AGTPBP1: variants seen among roughly 807,000 people sequenced by gnomAD.
AGTPBP1 encodes cytosolic carboxypeptidase 1.
AGTPBP1 carries 70 observed loss-of-function variants against 143.9 expected under a neutral mutation model. That is an observed-to-expected ratio of 0.49 (90% CI 0.40 to 0.59). The LOEUF is 0.59. Ranked by LOEUF, AGTPBP1 falls within the 20% of genes least tolerant of loss-of-function variation. The pLI is 0.00. For missense variants in AGTPBP1, 1,229 were observed against 1,464.5 expected (o/e 0.84, Z 2.62); for synonymous variants, 463 against 500.2 (o/e 0.93, Z 0.99).
At chr9:85,623,247 T>C (rs1319175063) in intron 14 of AGTPBP1, among the ~76,000 whole-genome samples, 1 of 151,628 alleles carries the variant, frequency 6.6e-6, no homozygotes, top group African/African-American at 2.4e-5. Flanking sequence ...GTTTGGGAGA[T>C]GCGGAATCTC....
At chr9:85,778,507 G>A in the AGTPBP1 span, among the ~76,000 whole-genome samples, 3 of 152,184 alleles carry the variant, frequency 2.0e-5, no homozygotes, top group South Asian at 4.1e-4. Context: ...CCAAGTGGCA[G>A]AGCAGCTTGC....
chr9:85,728,115 T>A (rs2134702919), intron 1 of AGTPBP1, among the ~76,000 whole-genome samples: 1 of 147,214 alleles, frequency 6.8e-6, no homozygotes, highest in South Asian at 2.1e-4. Flanking sequence ...GGAAAAAAAA[T>A]CCTGTGATTA....
chr9:85,789,340 T>C, the AGTPBP1 span, among the ~76,000 whole-genome samples: 194 of 152,342 alleles, frequency 1.3e-3, no homozygotes, highest in African/African-American at 4.3e-3. Flanking sequence ...TTTTTACATA[T>C]ACTAAATGAT....
the AGTPBP1 span, among the ~76,000 whole-genome samples, chr9:85,784,958 T>C: frequency 2.0e-5 from 3 of 152,326 alleles, no homozygotes; most frequent in African/African-American, 7.2e-5. Flanking sequence ...TTACTAACAT[T>C]ATAGGCCAAG....
At chr9:85,727,661 A>G (rs1433750209) in intron 1 of AGTPBP1, among the ~76,000 whole-genome samples, 1 of 152,018 alleles carries the variant, frequency 6.6e-6, no homozygotes, top group African/African-American at 2.4e-5. Flanking sequence ...GAATGGCCCA[A>G]TCTACAAACA....
At chr9:85,682,630 T>C (rs1692113445) in intron 3 of AGTPBP1, among the ~76,000 whole-genome samples, 1 of 152,174 alleles carries the variant, frequency 6.6e-6, no homozygotes, top group African/African-American at 2.4e-5. Flanking sequence ...CCACTCTCAA[T>C]ACAGTACATA....
chr9:85,719,748 A>AG (rs1837975637), intron 1 of AGTPBP1, among the ~76,000 whole-genome samples: 1 of 152,196 alleles, frequency 6.6e-6, no homozygotes. Context: ...CAGTTTTCAA[A>AG]GGGAATGCTT....
At chr9:85,599,110 A>AACACACACACACACACACAC (rs57074552) in intron 17 of AGTPBP1, among the ~76,000 whole-genome samples, 29 of 135,494 alleles carry the variant, frequency 2.1e-4, no homozygotes, top group Middle Eastern at 3.6e-3. Flanking sequence ...CTTGTCACTG[A>AACACACACACACACACACAC]ACACACACAC....
intron 10 of AGTPBP1, among the ~76,000 whole-genome samples, chr9:85,656,061 T>G (rs1833490455): frequency 6.6e-6 from 1 of 152,178 alleles, no homozygotes; most frequent in Non-Finnish European, 1.5e-5. Flanking sequence ...TCTTCTGACC[T>G]CGTGATCCGC....
At chr9:85,684,447 A>G (rs568327559) in intron 3 of AGTPBP1, among the ~76,000 whole-genome samples, 2 of 151,806 alleles carry the variant, frequency 1.3e-5, no homozygotes, top group Non-Finnish European at 2.9e-5. Flanking sequence ...CTCTACCAAC[A>G]TATCAGTTGT....
chr9:85,672,432 T>C (rs1397244088), intron 7 of AGTPBP1, 118 bp downstream of exon 7: 4 of 1,214,364 alleles, frequency 3.3e-6, no homozygotes, highest in Non-Finnish European at 4.6e-6. Flanking sequence ...ATGAGCCATA[T>C]TAAATCTTCT....
intron 17 of AGTPBP1, among the ~76,000 whole-genome samples, chr9:85,618,488 G>A (rs1423217550): frequency 6.7e-6 from 1 of 150,250 alleles, no homozygotes; most frequent in Non-Finnish European, 1.5e-5. Flanking sequence ...CTCTTTAGTA[G>A]AAATGAAAAA....
chr9:85,555,435 T>C (rs1157469978), intron 25 of AGTPBP1, among the ~76,000 whole-genome samples: 1 of 151,930 alleles, frequency 6.6e-6, no homozygotes, highest in Non-Finnish European at 1.5e-5. Flanking sequence ...CCCGTCTCTA[T>C]TAAAAATACA....
At chr9:85,569,218 C>G (rs936463579) in intron 25 of AGTPBP1, among the ~76,000 whole-genome samples, 1 of 152,046 alleles carries the variant, frequency 6.6e-6, no homozygotes, top group Admixed American at 6.6e-5. Context: ...ATCACTGATG[C>G]AGAGCACAAC....
intron 7 of AGTPBP1, among the ~76,000 whole-genome samples, chr9:85,672,168 T>A (rs899704725): frequency 6.6e-6 from 1 of 152,104 alleles, no homozygotes; most frequent in Non-Finnish European, 1.5e-5. Context: ...CTTCCCAGGT[T>A]CAAATGATTC....
upstream of AGTPBP1, among the ~76,000 whole-genome samples, chr9:85,742,368 G>T (rs1243479270): frequency 1.9e-5 from 2 of 102,600 alleles, no homozygotes; most frequent in African/African-American, 3.8e-5. Flanking sequence ...CCCCTCCCCC[G>T]CCATCAATCA....
At chr9:85,597,824 CT>C (rs1328233361) in intron 17 of AGTPBP1, among the ~76,000 whole-genome samples, 1 of 152,082 alleles carries the variant, frequency 6.6e-6, no homozygotes, top group East Asian at 1.9e-4. Flanking sequence ...GTTGAACTAT[CT>C]TTGCATTCTA....
chr9:85,566,620 T>A (rs1166158087), intron 25 of AGTPBP1, among the ~76,000 whole-genome samples: 1 of 147,638 alleles, frequency 6.8e-6, no homozygotes, highest in Non-Finnish European at 1.5e-5. Flanking sequence ...AATGATTAGG[T>A]AAAATACAAA....
chr9:85,632,707 G>A lies in AGTPBP1; in HGVS notation c.1970C>T (p.Pro657Leu), dbSNP rs539654499. Residue 657 changes from proline to leucine, a missense_variant, in exon 14 of 26, where the codon CCT becomes CTT. This residue lies in a region of AGTPBP1 where 743 missense variants were observed against 812.2 expected (regional missense o/e 0.91). Transcript: ENST00000357081. Reference sequence around the variant, plus strand: ...TTCTAAAATAGGCTCTTTGAATGGAGGCGGAATGTGACCAAAATAATCGGG... The same window carrying A: ...TTCTAAAATAGGCTCTTTGAATGGAAGCGGAATGTGACCAAAATAATCGGG... ...AYPDYFGHIP[P>L]PFKEPILERP... The A allele has an allele frequency of 9.9e-6, 16 of 1,613,698 alleles. No individual in the cohort carries two copies. Among genetic ancestry groups the A allele is most frequent in the African/African-American group, 1.3e-5 (1 of 75,018 alleles).
Sources: allele counts gnomAD v4.1 joint callset (sites outside exome capture counted in the v4.1 genomes callset), GRCh38; gene constraint gnomAD v4.1.1; regional missense constraint gnomAD v4.1.1; transcripts MANE v1.5; gene names NCBI Gene and HGNC (gene_info 2026-07-23, HGNC 2026-07-21).